ZNF362: variants seen among roughly 807,000 people sequenced by gnomAD.
ZNF362 encodes zinc finger protein 362, also known as rotund homolog.
Under a neutral mutation model 42.9 loss-of-function variants are expected in ZNF362, and 11 were observed. The ratio of observed to expected loss-of-function variants is 0.26; its 90% CI spans 0.16 to 0.42. The LOEUF (loss-of-function observed/expected upper bound fraction) is 0.42. Among genes scored for constraint, ZNF362 ranks in the 20% least tolerant of loss-of-function variants. The pLI is 1.00. For synonymous variants in ZNF362, 255 were observed against 257.3 expected (o/e 0.99, Z 0.09); for missense variants, 362 against 576.2 (o/e 0.63, Z 3.81).
chr1:33,170,899 C>T, the ZNF362 span, among the ~76,000 whole-genome samples: 5 of 152,178 alleles, frequency 3.3e-5, no homozygotes, highest in Non-Finnish European at 7.4e-5. Flanking sequence ...AGTGTTCAGC[C>T]TCACAGGGCA....
the ZNF362 span, among the ~76,000 whole-genome samples, chr1:33,189,340 T>C: frequency 6.6e-6 from 1 of 151,830 alleles, no homozygotes; most frequent in Non-Finnish European, 1.5e-5. Context: ...GCTTCTGTAG[T>C]TTATTTGTGA....
chr1:33,179,731 C>T, the ZNF362 span, among the ~76,000 whole-genome samples: 3 of 152,118 alleles, frequency 2.0e-5, no homozygotes, highest in African/African-American at 4.8e-5. Context: ...ACTACGTGCT[C>T]GACTAGTATC....
At chr1:33,237,743 T>C in the ZNF362 span, among the ~76,000 whole-genome samples, 1 of 152,188 alleles carries the variant, frequency 6.6e-6, no homozygotes, top group Non-Finnish European at 1.5e-5. Flanking sequence ...AGGCCTCTTG[T>C]AGCCAGGTGG....
At chr1:33,265,341 T>G (rs1367523847) in intron 1 of ZNF362, among the ~76,000 whole-genome samples, 2 of 150,556 alleles carry the variant, frequency 1.3e-5, no homozygotes, top group Non-Finnish European at 3.0e-5. Context: ...GGAGGGACAG[T>G]GAGGGGAAGG....
At chr1:33,270,665 G>A in intron 2 of ZNF362, 53 bp downstream of exon 2, 1 of 1,599,642 alleles carries the variant, frequency 6.3e-7, no homozygotes, top group Non-Finnish European at 8.5e-7. Flanking sequence ...TTTGTTCTTT[G>A]GGGGATTAAA....
intron 8 of ZNF362, among the ~76,000 whole-genome samples, chr1:33,297,565 G>A (rs959551071): frequency 8.7e-5 from 12 of 137,538 alleles, no homozygotes; most frequent in Non-Finnish European, 1.7e-4. Context: ...CAGGTGGAGT[G>A]CAGTGGCACA....
chr1:33,169,697 A>G, the ZNF362 span, among the ~76,000 whole-genome samples: 2 of 152,224 alleles, frequency 1.3e-5, no homozygotes, highest in Non-Finnish European at 2.9e-5. Flanking sequence ...ACACGTGGCT[A>G]TTTAAATTGC....
At chr1:33,202,488 C>T in the ZNF362 span, among the ~76,000 whole-genome samples, 1 of 151,382 alleles carries the variant, frequency 6.6e-6, no homozygotes, top group Non-Finnish European at 1.5e-5. Context: ...GTCCCAGCTA[C>T]TGGGGAGGCT....
intron 6 of ZNF362, among the ~76,000 whole-genome samples, chr1:33,285,253 A>G (rs939549192): frequency 2.6e-5 from 4 of 152,072 alleles, no homozygotes; most frequent in African/African-American, 9.7e-5. Flanking sequence ...GTCTCTACTA[A>G]AAGTACAAAA....
intron 6 of ZNF362, among the ~76,000 whole-genome samples, chr1:33,285,301 C>T (rs1453740067): frequency 6.6e-6 from 1 of 152,114 alleles, no homozygotes; most frequent in Non-Finnish European, 1.5e-5. Flanking sequence ...GTAGTCCCAT[C>T]TACTCGGGAG....
chr1:33,154,798 C>CAA, the ZNF362 span, among the ~76,000 whole-genome samples: 1 of 102,846 alleles, frequency 9.7e-6, no homozygotes. Context: ...ACTCCGTATC[C>CAA]AAAAAAAAAA....
the ZNF362 span, among the ~76,000 whole-genome samples, chr1:33,155,551 G>A: frequency 1.3e-5 from 2 of 152,188 alleles, no homozygotes; most frequent in Admixed American, 6.5e-5. Context: ...TGGCCAGTGA[G>A]CTTAGTAGGT....
At chr1:33,196,215 A>G in the ZNF362 span, 3 of 152,182 alleles carry the variant, frequency 2.0e-5, no homozygotes, top group African/African-American at 7.2e-5. Flanking sequence ...CCCTGTCTCT[A>G]CTAAAAATAC....
At chr1:33,154,666 C>A in the ZNF362 span, among the ~76,000 whole-genome samples, 1 of 151,308 alleles carries the variant, frequency 6.6e-6, no homozygotes, top group Admixed American at 6.6e-5. Context: ...GGTGCAGTGG[C>A]GTGTGCCTGT....
At chr1:33,165,391 C>T in the ZNF362 span, 8 of 1,348,140 alleles carry the variant, frequency 5.9e-6, no homozygotes, top group African/African-American at 1.2e-4. This position sits in a 1 kb window ranked among gnomAD's most constrained non-coding sequence, Gnocchi z 4.0. Context: ...GGCCCCGCCC[C>T]TCTTCCCCAG....
chr1:33,235,004 C>T, the ZNF362 span, among the ~76,000 whole-genome samples: 4 of 152,168 alleles, frequency 2.6e-5, no homozygotes, highest in East Asian at 7.7e-4. Flanking sequence ...ACTCCCCCTG[C>T]AGTCCCGGGT....
At chr1:33,156,821 T>A in the ZNF362 span, among the ~76,000 whole-genome samples, 1 of 152,206 alleles carries the variant, frequency 6.6e-6, no homozygotes, top group Non-Finnish European at 1.5e-5. Context: ...TCACTTTGGC[T>A]GAAATAATTA....
chr1:33,176,664 G>A, the ZNF362 span: 2 of 420,106 alleles, frequency 4.8e-6, no homozygotes, highest in African/African-American at 2.0e-5. Flanking sequence ...GGACAGGCAG[G>A]GTGGCTGGGA....
At chr1:33,184,484 T>C in the ZNF362 span, among the ~76,000 whole-genome samples, 1 of 152,222 alleles carries the variant, frequency 6.6e-6, no homozygotes, top group Non-Finnish European at 1.5e-5. Context: ...AAAATCTTTC[T>C]AATAGAACAT....
Sources: gnomAD v4.1 joint callset for allele counts (sites outside exome capture counted in the v4.1 genomes callset) on GRCh38, gnomAD v4.1.1 for gene constraint, Gnocchi (gnomAD v3.1) non-coding constraint, MANE v1.5 for transcripts, NCBI Gene and HGNC (gene_info 2026-07-23, HGNC 2026-07-21) for gene names.